Variants in RTTN observed in about 807,000 individuals in gnomAD.
The protein encoded by RTTN is rotatin.
A neutral mutation model predicts 269.2 loss-of-function variants in RTTN; 182 were observed. That is an observed-to-expected ratio of 0.68 (90% CI 0.60 to 0.76). The LOEUF is 0.76. Among genes scored for constraint, RTTN ranks in the 30% least tolerant of loss-of-function variants. The pLI is 0.00. For missense variants in RTTN, 2,545 were observed against 2,608.6 expected, an observed-to-expected ratio of 0.98 and a Z score of 0.53; for synonymous variants, 1,006 against 963.5, an observed-to-expected ratio of 1.04 and a Z score of -0.82.
chr18:70,145,826 A>G, intron 17 of RTTN, 43 bp from the exon 18 acceptor site: 1 of 1,502,666 alleles, frequency 6.7e-7, no homozygotes, highest in East Asian at 2.3e-5. Flanking sequence ...GTGATATGCA[A>G]ATGTCTATTT....
chr18:70,117,631 A>G (rs1450939377), intron 26 of RTTN, among the ~76,000 whole-genome samples: 1 of 152,102 alleles, frequency 6.6e-6, no homozygotes, highest in Non-Finnish European at 1.5e-5. Flanking sequence ...TAGTACAATC[A>G]TCTAGAGTCT....
At chr18:70,110,540 T>C (rs1375375595) in intron 27 of RTTN, among the ~76,000 whole-genome samples, 1 of 152,184 alleles carries the variant, frequency 6.6e-6, no homozygotes, top group East Asian at 1.9e-4. Context: ...ACTGCGCTTG[T>C]CCCACGGTTT....
At chr18:70,004,345 TA>T in intron 48 of RTTN, 109 bp from the exon 49 acceptor site, 1 of 623,628 alleles carries the variant, frequency 1.6e-6, no homozygotes, top group Non-Finnish European at 2.7e-6. Flanking sequence ...ATATATAATT[TA>T]AAGCTCTAAG....
rs1280939641 is a variant in RTTN, at chr18:70,004,028, A to G, written c.*123T>C. ...CCAGTTCTCTCTCTCATGGGAAAGA[A>G]GGGGATCAACACTTTGTAGAGAGGT... On this transcript the variant is annotated 3_prime_UTR_variant, in exon 49 of 49. Coordinates refer to ENST00000640769, the MANE Select transcript of RTTN (RefSeq NM_173630.4). 3 of 654,940 alleles carry G rather than the reference A, an allele frequency of 4.6e-6. No homozygotes were observed. The Admixed American group carries it at 7.3e-5, about 16-fold the overall frequency. 40.6% of individuals were successfully genotyped at this position (654,940 alleles called of 1,614,324 possible).
Position 70,024,857 on chromosome 18 carries a change from G to A in RTTN, c.5824-9C>T, listed in dbSNP as rs543633894. 4.3e-6 allele frequency: 7 copies of A among 1,609,574 alleles called. No individual in the cohort carries two copies. In the East Asian group the frequency reaches 6.7e-5, roughly 15 times the overall value. On this transcript the variant is annotated splice_polypyrimidine_tract_variant and intron_variant, in intron 43 of 48. Coordinates refer to ENST00000640769, the MANE Select transcript of RTTN (RefSeq NM_173630.4). ...GCTTCAAGAGCTGCTTCCTGTTGAAGGAAGGGAAAAAGACAGCATTAGTCT... is the reference window on the plus strand; with the variant it reads ...GCTTCAAGAGCTGCTTCCTGTTGAAAGAAGGGAAAAAGACAGCATTAGTCT...
At chr18:70,188,932 A>G (rs190030812) in intron 9 of RTTN, among the ~76,000 whole-genome samples, 145 of 152,316 alleles carry the variant, frequency 9.5e-4, no homozygotes, top group Non-Finnish European at 1.7e-3. Context: ...GGAAGGATCT[A>G]GATTAATTTT....
At chr18:70,194,472 T>C (rs771884118) in intron 7 of RTTN, 2 of 152,226 alleles carry the variant, frequency 1.3e-5, no homozygotes, top group Non-Finnish European at 2.9e-5. Context: ...CCCAAAAGAA[T>C]TGAAACCAGG....
chr18:70,013,702 A>G (rs1208904077), intron 46 of RTTN, among the ~76,000 whole-genome samples: 1 of 152,208 alleles, frequency 6.6e-6, no homozygotes, highest in Non-Finnish European at 1.5e-5. Context: ...ATTGAATATT[A>G]CCTTCTTAAT....
chr18:70,033,319 G>A (rs944311787), intron 40 of RTTN, among the ~76,000 whole-genome samples: 43 of 152,206 alleles, frequency 2.8e-4, no homozygotes, highest in African/African-American at 8.9e-4. Context: ...AAATTACTCC[G>A]TGTCAGGTAT....
intron 46 of RTTN, among the ~76,000 whole-genome samples, chr18:70,015,082 C>CTT (rs879573880): frequency 2.1e-5 from 3 of 143,928 alleles, no homozygotes; most frequent in African/African-American, 5.1e-5. Context: ...TGTTCCAGAT[C>CTT]TTTTTTTTTT....
At chr18:70,153,298 T>C (rs373706596) in intron 14 of RTTN, among the ~76,000 whole-genome samples, 56 of 152,062 alleles carry the variant, frequency 3.7e-4, no homozygotes, top group Non-Finnish European at 6.9e-4. Flanking sequence ...TATACATATA[T>C]ACACACACAC....
At chr18:70,141,463 A>T (rs1443435970) in intron 19 of RTTN, among the ~76,000 whole-genome samples, 1 of 152,198 alleles carries the variant, frequency 6.6e-6, no homozygotes, top group Admixed American at 6.5e-5. Flanking sequence ...ATGAGTTCAC[A>T]TCCTTTGCAG....
intron 4 of RTTN, among the ~76,000 whole-genome samples, chr18:70,201,480 C>A (rs1194298524): frequency 6.7e-6 from 1 of 149,912 alleles, no homozygotes; most frequent in Non-Finnish European, 1.5e-5. Flanking sequence ...TAGTGGCGGG[C>A]GCCTGTAGTC....
chr18:70,129,046 T>C (rs1353751845), intron 23 of RTTN: 3 of 152,252 alleles, frequency 2.0e-5, no homozygotes, highest in African/African-American at 4.8e-5. Flanking sequence ...TTCCAGCTTA[T>C]TGTTTTCACT....
intron 11 of RTTN, among the ~76,000 whole-genome samples, chr18:70,174,279 A>G (rs1484668854): frequency 6.6e-6 from 1 of 152,210 alleles, no homozygotes; most frequent in Admixed American, 6.5e-5. Flanking sequence ...GCAAACACAC[A>G]GAAGAGACAC....
chr18:70,127,975 AAGAC>A (rs575594450), intron 24 of RTTN: 744 of 506,370 alleles, frequency 1.5e-3, no homozygotes, highest in Non-Finnish European at 2.2e-3. Context: ...TTATTCACTT[AAGAC>A]AGACAGATTA....
chr18:70,088,037 C>T lies in RTTN; in HGVS notation c.4254G>A (p.Val1418=). 1 of 1,613,868 alleles carries T rather than the reference C, an allele frequency of 6.2e-7. No individual in the cohort carries two copies. Among genetic ancestry groups the T allele is most frequent in the Admixed American group, 1.7e-5 (1 of 59,946 alleles). ...CTGACTGGTCCAGAAGAATGTTCAC[C>T]ACAGTTCCCCAGAGCCCACCGGAAA... is the stretch of plus-strand genomic sequence containing the variant. ...QNISGGLWGT[V]VNILLDQSEC... Residue 1418 remains valine (V), a synonymous_variant, in exon 31 of 49, where the codon GTG becomes GTA. Transcript: ENST00000640769.
chr18:70,197,859 C>A, intron 5 of RTTN, 121 bp from the exon 6 acceptor site: 1 of 647,562 alleles, frequency 1.5e-6, no homozygotes, highest in Non-Finnish European at 2.7e-6. Flanking sequence ...ATCACTTCTC[C>A]AGAAAAGCCT....
intron 15 of RTTN, 66 bp downstream of exon 15, chr18:70,150,542 A>T: frequency 6.8e-7 from 1 of 1,460,214 alleles, no homozygotes; most frequent in Non-Finnish European, 9.6e-7. Flanking sequence ...CTATATTAGA[A>T]TATCACCTTG....
Sources: allele counts gnomAD v4.1 joint callset (sites outside exome capture counted in the v4.1 genomes callset), GRCh38; gene constraint gnomAD v4.1.1; transcripts MANE v1.5; gene names NCBI Gene and HGNC (gene_info 2026-07-23, HGNC 2026-07-21).